The following ZNF69 variants were observed in gnomAD, a reference collection of about 807,000 sequenced individuals.
ZNF69 encodes ZNF3.
ZNF69 carries 47 observed loss-of-function variants against 50.9 expected under a neutral mutation model. The observed-to-expected ratio is 0.92, with a 90% CI of 0.73 to 1.18. ZNF69 has a LOEUF of 1.18. ZNF69 is among the 50% of genes most tolerant of loss of function. ZNF69 has a pLI of 0.00. For missense variants in ZNF69, 717 were observed against 675.1 expected (o/e 1.06, Z -0.69); for synonymous variants, 216 against 223.1 (o/e 0.97, Z 0.29).
At chr19:11,958,517 T>G in the ZNF69 span, among the ~76,000 whole-genome samples, 1 of 152,206 alleles carries the variant, frequency 6.6e-6, no homozygotes, top group Non-Finnish European at 1.5e-5. Context: ...GTCAGAACCT[T>G]CCACTGACTC....
chr19:11,958,144 T>C, the ZNF69 span, among the ~76,000 whole-genome samples: 1 of 152,222 alleles, frequency 6.6e-6, no homozygotes, highest in African/African-American at 2.4e-5. Flanking sequence ...CCCATCTCCT[T>C]TCCACACCCC....
In ZNF69 at chr19:11,900,328, T is replaced by A. The variant is rs367861676; in HGVS notation, c.64-3245T>A. Among the ~76,000 whole-genome samples, 4 of 151,872 alleles carry A rather than the reference T, an allele frequency of 2.6e-5. No homozygotes were observed. In the East Asian group the frequency reaches 7.8e-4, roughly 29 times the overall value. ...GTTTGTTTGCCATAATTACATTCTT[T>A]AGGGGGAGGTATACTTGGAAAGATT... On this transcript the variant is annotated intron_variant, in intron 1 of 3. Coordinates refer to ENST00000429654, the MANE Select transcript of ZNF69 (RefSeq NM_001364730.1).
intron 1 of ZNF69, among the ~76,000 whole-genome samples, chr19:11,888,320 T>G (rs936176254): frequency 6.6e-5 from 10 of 152,226 alleles, no homozygotes; most frequent in African/African-American, 1.9e-4. Context: ...GGGTTCGTGC[T>G]TGGGAGGAGC....
At chr19:11,921,830 A>G in the ZNF69 span, among the ~76,000 whole-genome samples, 56 of 152,304 alleles carry the variant, frequency 3.7e-4, no homozygotes, top group East Asian at 9.6e-4. Flanking sequence ...CAAAGGGAAA[A>G]CATCTAACGT....
At chr19:11,925,046 A>G in the ZNF69 span, 4 of 674,674 alleles carry the variant, frequency 5.9e-6, no homozygotes, top group East Asian at 3.3e-5. Context: ...ATTTCATCCA[A>G]TCAGAGGTGC....
chr19:11,927,210 C>T, the ZNF69 span, among the ~76,000 whole-genome samples: 1 of 151,852 alleles, frequency 6.6e-6, no homozygotes. Context: ...AAAAATTAGC[C>T]GGGTGTGGTG....
chr19:11,910,151 A>G (rs571401007), downstream of ZNF69, among the ~76,000 whole-genome samples: 1 of 152,212 alleles, frequency 6.6e-6, no homozygotes, highest in African/African-American at 2.4e-5. Flanking sequence ...ACTACAAACC[A>G]CTGCTCAACG....
chr19:11,909,683 C>T (rs781355566), downstream of ZNF69, among the ~76,000 whole-genome samples: 30 of 152,096 alleles, frequency 2.0e-4, no homozygotes, highest in Non-Finnish European at 4.0e-4. Flanking sequence ...ATAATAAGAG[C>T]TATTTATGAC....
At chr19:11,967,406 C>T in the ZNF69 span, among the ~76,000 whole-genome samples, 66 of 152,182 alleles carry the variant, frequency 4.3e-4, no homozygotes, top group African/African-American at 1.5e-3. Context: ...GACCCTGTCT[C>T]TATTTTGTTT....
At chr19:11,913,696 T>C in exon 5 of ZNF69, 1 of 228,244 alleles carries the variant, frequency 4.4e-6, no homozygotes. Flanking sequence ...GCCGCAACCC[T>C]AATTTTTCAT....
the ZNF69 span, among the ~76,000 whole-genome samples, chr19:11,969,647 C>T: frequency 6.6e-6 from 1 of 152,136 alleles, no homozygotes; most frequent in East Asian, 1.9e-4. Context: ...CTGGTTTCCC[C>T]TTACATTTTC....
chr19:11,938,796 A>G, the ZNF69 span, among the ~76,000 whole-genome samples: 74 of 151,924 alleles, frequency 4.9e-4, no homozygotes, highest in East Asian at 0.014. Flanking sequence ...TTGAGGAATC[A>G]CCACACTGTC....
the ZNF69 span, among the ~76,000 whole-genome samples, chr19:11,941,529 G>A: frequency 2.0e-5 from 3 of 152,328 alleles, no homozygotes; most frequent in South Asian, 2.1e-4. Flanking sequence ...CTCTGCAGCC[G>A]CTGGCCCAGG....
At chr19:11,889,625 G>A (rs1977033673) in intron 1 of ZNF69, among the ~76,000 whole-genome samples, 2 of 152,168 alleles carry the variant, frequency 1.3e-5, no homozygotes, top group Admixed American at 1.3e-4. Context: ...ACCTGAAGGG[G>A]GCCTGCCCCT....
chr19:11,956,881 C>T, the ZNF69 span, among the ~76,000 whole-genome samples: 1 of 151,980 alleles, frequency 6.6e-6, no homozygotes, highest in African/African-American at 2.4e-5. Flanking sequence ...CCTGGTTCTT[C>T]CCATGGTGCT....
downstream of ZNF69, among the ~76,000 whole-genome samples, chr19:11,918,919 G>A (rs566555857): frequency 2.2e-4 from 32 of 143,130 alleles, no homozygotes; most frequent in South Asian, 6.8e-3. Context: ...TTTTTGAGAC[G>A]GAGTCTCGCT....
At chr19:11,893,448 G>A (rs1315410464) in intron 1 of ZNF69, among the ~76,000 whole-genome samples, 1 of 152,100 alleles carries the variant, frequency 6.6e-6, no homozygotes, top group East Asian at 1.9e-4. Flanking sequence ...TGAAATCTGT[G>A]TCTGAACATT....
At chr19:11,946,268 CTT>C in the ZNF69 span, among the ~76,000 whole-genome samples, 1 of 152,082 alleles carries the variant, frequency 6.6e-6, no homozygotes, top group Non-Finnish European at 1.5e-5. Flanking sequence ...CACATTCTCT[CTT>C]GTCTGTTCTG....
chr19:11,934,993 C>A, the ZNF69 span, among the ~76,000 whole-genome samples: 5 of 146,450 alleles, frequency 3.4e-5, no homozygotes, highest in Non-Finnish European at 7.4e-5. Flanking sequence ...CTGGCTAACA[C>A]TGTGAAACCC....
Sources: gnomAD v4.1 joint callset for allele counts (sites outside exome capture counted in the v4.1 genomes callset) on GRCh38, gnomAD v4.1.1 for gene constraint, MANE v1.5 for transcripts, NCBI Gene and HGNC (gene_info 2026-07-23, HGNC 2026-07-21) for gene names.